AKR1C8: variants seen among roughly 807,000 people sequenced by gnomAD.
AKR1C8 encodes aldo-keto reductase family 1 member C-like protein 1.
At chr10:5,152,200 C>A in the AKR1C8 span, among the ~76,000 whole-genome samples, 1 of 152,252 alleles carries the variant, frequency 6.6e-6, no homozygotes, top group Admixed American at 6.5e-5. Flanking sequence ...GGATTTAGTG[C>A]AAATTACAGA....
chr10:5,139,884 T>C, the AKR1C8 span, among the ~76,000 whole-genome samples: 3 of 152,184 alleles, frequency 2.0e-5, no homozygotes, highest in South Asian at 2.1e-4. Flanking sequence ...AGAAAATTTT[T>C]GCAACCTACC....
the AKR1C8 span, among the ~76,000 whole-genome samples, chr10:5,115,960 T>C: frequency 6.6e-6 from 1 of 152,170 alleles, no homozygotes; most frequent in Non-Finnish European, 1.5e-5. Context: ...CTACCCAGTA[T>C]GCATACCTAT....
At chr10:5,124,062 C>T in the AKR1C8 span, among the ~76,000 whole-genome samples, 4 of 152,128 alleles carry the variant, frequency 2.6e-5, no homozygotes, top group African/African-American at 7.2e-5. Flanking sequence ...GATCCAGTAT[C>T]TAACTACCTT....
the AKR1C8 span, among the ~76,000 whole-genome samples, chr10:5,125,052 T>C: frequency 6.6e-6 from 1 of 152,056 alleles, no homozygotes; most frequent in Non-Finnish European, 1.5e-5. Context: ...GGATTTTTTT[T>C]TGTTTTCACG....
At chr10:5,122,249 A>G in the AKR1C8 span, 1 of 280,500 alleles carries the variant, frequency 3.6e-6, no homozygotes, top group South Asian at 3.7e-5. Context: ...GCAAGGGGCA[A>G]AGGCAAGGAT....
the AKR1C8 span, among the ~76,000 whole-genome samples, chr10:5,178,082 T>C: frequency 1.3e-5 from 2 of 152,160 alleles, no homozygotes. Context: ...AGGGTGTCAA[T>C]TTTAGATCTT....
At chr10:5,175,534 C>A in the AKR1C8 span, among the ~76,000 whole-genome samples, 1 of 152,150 alleles carries the variant, frequency 6.6e-6, no homozygotes, top group Non-Finnish European at 1.5e-5. Context: ...AGTTCTAGAT[C>A]CCTGAGGAAT....
the AKR1C8 span, among the ~76,000 whole-genome samples, chr10:5,139,126 C>T: frequency 8.3e-3 from 1,256 of 152,206 alleles, 16 homozygotes; most frequent in African/African-American, 0.028. Flanking sequence ...TCAAGGAGAA[C>T]TACAAACCAC....
the AKR1C8 span, among the ~76,000 whole-genome samples, chr10:5,121,075 CTT>C: frequency 1.3e-5 from 2 of 150,094 alleles, no homozygotes; most frequent in Admixed American, 1.3e-4. Flanking sequence ...GACATAGAGG[CTT>C]TTCTTTTTTT....
chr10:5,141,066 T>C, the AKR1C8 span, among the ~76,000 whole-genome samples: 2 of 152,192 alleles, frequency 1.3e-5, no homozygotes, highest in Non-Finnish European at 2.9e-5. Flanking sequence ...AAGTCAATTC[T>C]CTGTAACCCA....
chr10:5,119,282 A>C, the AKR1C8 span, among the ~76,000 whole-genome samples: 1 of 152,230 alleles, frequency 6.6e-6, no homozygotes, highest in Admixed American at 6.5e-5. Context: ...TAAGAATCTT[A>C]ATAAATTAAT....
chr10:5,178,308 C>G, the AKR1C8 span, among the ~76,000 whole-genome samples: 1 of 152,098 alleles, frequency 6.6e-6, no homozygotes, highest in South Asian at 2.1e-4. Flanking sequence ...GTTTCTTAAT[C>G]CTGAGTTCTA....
chr10:5,185,105 C>G, the AKR1C8 span: 1 of 534,726 alleles, frequency 1.9e-6, no homozygotes, highest in Non-Finnish European at 3.8e-6. Flanking sequence ...CCGTCATCAT[C>G]CCCAGCTAAC....
the AKR1C8 span, among the ~76,000 whole-genome samples, chr10:5,150,617 T>C: frequency 6.8e-4 from 104 of 152,226 alleles, no homozygotes; most frequent in Non-Finnish European, 1.6e-4. Context: ...AGACTAAATG[T>C]GTAACTTGAA....
chr10:5,166,619 C>T, the AKR1C8 span, among the ~76,000 whole-genome samples: 2 of 152,152 alleles, frequency 1.3e-5, no homozygotes, highest in African/African-American at 2.4e-5. Context: ...CTTCCTTACA[C>T]CTTATACAAA....
chr10:5,160,486 A>G, the AKR1C8 span, among the ~76,000 whole-genome samples: 1 of 152,060 alleles, frequency 6.6e-6, no homozygotes, highest in Non-Finnish European at 1.5e-5. Flanking sequence ...TCCCTCCTCC[A>G]TGATGTGTTT....
At chr10:5,161,894 C>G in the AKR1C8 span, 11 of 534,536 alleles carry the variant, frequency 2.1e-5, no homozygotes, top group African/African-American at 2.1e-4. Flanking sequence ...AAGAGATCTA[C>G]ATAGTCCGGT....
chr10:5,126,993 G>C, the AKR1C8 span, among the ~76,000 whole-genome samples: 1 of 152,116 alleles, frequency 6.6e-6, no homozygotes, highest in East Asian at 1.9e-4. Context: ...CTATCAAAAT[G>C]AGAGGACATC....
chr10:5,159,463 A>G, the AKR1C8 span, among the ~76,000 whole-genome samples: 1 of 152,010 alleles, frequency 6.6e-6, no homozygotes, highest in East Asian at 1.9e-4. Flanking sequence ...GCTTCTTTTC[A>G]GTCTCCTTGC....
Sources: gnomAD v4.1 joint callset for allele counts (sites outside exome capture counted in the v4.1 genomes callset) on GRCh38, gnomAD v4.1.1 for gene constraint, MANE v1.5 for transcripts, NCBI Gene and HGNC (gene_info 2026-07-23, HGNC 2026-07-21) for gene names.